Variants in TULP4 observed in about 807,000 individuals in gnomAD.
TULP4 encodes TUB like protein 4.
In TULP4, 16 loss-of-function variants were observed where a neutral mutation model predicts 129.0. The ratio of observed to expected loss-of-function variants is 0.12; its 90% CI spans 0.08 to 0.19. TULP4 has a LOEUF of 0.19. TULP4 is among the 10% of genes least tolerant of loss of function. The probability of loss-of-function intolerance (pLI) is 1.00; values close to 1 mark genes in which losing one functional copy is unlikely to be tolerated. For missense variants in TULP4, 1,842 were observed against 2,059.1 expected, an observed-to-expected ratio of 0.89 and a Z score of 2.04; for synonymous variants, 998 against 854.0, an observed-to-expected ratio of 1.17 and a Z score of -2.94.
chr6:158,396,795 A>G (rs1777728469), intron 1 of TULP4, among the ~76,000 whole-genome samples: 1 of 152,212 alleles, frequency 6.6e-6, no homozygotes, highest in African/African-American at 2.4e-5. Flanking sequence ...AATAGTCACA[A>G]GGAGGAAAGG....
At chr6:158,473,202 G>A (rs1234870336) in intron 6 of TULP4, among the ~76,000 whole-genome samples, 1 of 152,164 alleles carries the variant, frequency 6.6e-6, no homozygotes, top group Non-Finnish European at 1.5e-5. Flanking sequence ...TACTCTTGGA[G>A]GCGAATCCTA....
intron 3 of TULP4, among the ~76,000 whole-genome samples, chr6:158,434,460 T>C (rs1435236481): frequency 1.3e-5 from 2 of 152,192 alleles, no homozygotes; most frequent in Admixed American, 6.5e-5. Flanking sequence ...GGGTCCTAAG[T>C]TGACGCAGAG....
intron 1 of TULP4, among the ~76,000 whole-genome samples, chr6:158,276,404 A>G (rs922633714): frequency 1.3e-5 from 2 of 150,464 alleles, no homozygotes; most frequent in African/African-American, 4.9e-5. Context: ...TCCTGGGCTC[A>G]AGTCATCCTC....
intron 1 of TULP4, among the ~76,000 whole-genome samples, chr6:158,364,893 G>A (rs753879453): frequency 3.7e-4 from 56 of 152,088 alleles, no homozygotes; most frequent in Non-Finnish European, 6.2e-4. Context: ...CCGCCACCAC[G>A]CCTGGCTAAT....
rs762862451 is a variant in TULP4 at position 158,502,577 on chromosome 6, C to T, written c.2914C>T (p.Arg972Trp). Residue 972 changes from arginine (R) to tryptophan (W), a missense_variant, in exon 13 of 14, where the codon CGG becomes TGG. Arg to Trp is a moderately radical substitution (Grantham distance 101, BLOSUM62 -3). Coordinates refer to ENST00000367097, the MANE Select transcript of TULP4 (RefSeq NM_020245.5). ...AATTGCCAGCCAGCTGGCCCAGGGGCGGGGGGCTGCCCAGAGGTCCGACAA... is the reference window on the plus strand; with the variant it reads ...AATTGCCAGCCAGCTGGCCCAGGGGTGGGGGGCTGCCCAGAGGTCCGACAA... ...PEIASQLAQG[R>W]GAAQRSDNSL... 2.7e-5 allele frequency: 43 copies of T among 1,603,760 alleles called. No individual in the cohort carries two copies. Among genetic ancestry groups the T allele is most frequent in the East Asian group, 1.3e-4 (6 of 44,876 alleles).
intron 2 of TULP4, among the ~76,000 whole-genome samples, chr6:158,427,278 A>G (rs1778517203): frequency 6.6e-6 from 1 of 152,282 alleles, no homozygotes; most frequent in East Asian, 1.9e-4. Context: ...ATGAACAACC[A>G]GTGACAGAAA....
chr6:158,474,027 C>T (rs879378350), intron 6 of TULP4, among the ~76,000 whole-genome samples: 1 of 151,608 alleles, frequency 6.6e-6, no homozygotes, highest in Admixed American at 6.6e-5. Context: ...TGCTATGTTG[C>T]CCAAGCTGGT....
At position 158,349,566 on chromosome 6, in the gene TULP4, G is replaced by A. The variant is rs568005913; in HGVS notation, c.252+35298G>A. Among the ~76,000 whole-genome samples the A allele has an allele frequency of 3.1e-3, 450 of 143,266 alleles. 6 individuals are homozygous for A. The highest frequency in any genetic ancestry group is 9.1e-3 in the African/African-American group (353 of 38,842). 94.0% of individuals were successfully genotyped at this position (143,266 alleles called of 152,430 possible). A position where few individuals can be genotyped will look rare whatever the true frequency, so the allele number is the denominator to read the frequency against. On this transcript the variant is annotated intron_variant, in intron 1 of 13. Coordinates refer to ENST00000367097, the MANE Select transcript of TULP4 (RefSeq NM_020245.5). ...CTCACATCCCAGACGATGGGTGGCC[G>A]GGCAGAGGCGCTCCTCACCTCCCAG...
chr6:158,497,262 T>C (rs1780354689), intron 11 of TULP4, among the ~76,000 whole-genome samples: 1 of 152,232 alleles, frequency 6.6e-6, no homozygotes, highest in South Asian at 2.1e-4. Context: ...TATTGAATAC[T>C]AGAAGGTATG....
intron 1 of TULP4, among the ~76,000 whole-genome samples, chr6:158,298,648 C>T (rs530931110): frequency 6.6e-6 from 1 of 152,264 alleles, no homozygotes; most frequent in East Asian, 1.9e-4. Context: ...GTATAAATGA[C>T]AATTAATGCA....
intron 3 of TULP4, among the ~76,000 whole-genome samples, chr6:158,433,338 A>G (rs1199780033): frequency 2.0e-5 from 3 of 152,228 alleles, no homozygotes; most frequent in Admixed American, 6.5e-5. Context: ...TAAAGGTAAC[A>G]TATTCTTTAC....
chr6:158,301,035 T>A (rs1445138170), intron 1 of TULP4, among the ~76,000 whole-genome samples: 1 of 152,214 alleles, frequency 6.6e-6, no homozygotes, highest in Non-Finnish European at 1.5e-5. Flanking sequence ...ATGTGTAATA[T>A]AGAAAGGGTG....
At chr6:158,284,620 G>A (rs908623950) in intron 1 of TULP4, among the ~76,000 whole-genome samples, 2 of 152,152 alleles carry the variant, frequency 1.3e-5, no homozygotes, top group Non-Finnish European at 2.9e-5. Context: ...TGTTCTCAGT[G>A]CTGTGGTTAT....
chr6:158,274,135 G>T (rs1778598148), intron 1 of TULP4, among the ~76,000 whole-genome samples: 2 of 152,140 alleles, frequency 1.3e-5, no homozygotes, highest in African/African-American at 4.8e-5. Flanking sequence ...GCGGGCACCT[G>T]CAGTCCCGGC....
chr6:158,299,385 T>C (rs975917924), intron 1 of TULP4, among the ~76,000 whole-genome samples: 1 of 152,244 alleles, frequency 6.6e-6, no homozygotes, highest in Non-Finnish European at 1.5e-5. Context: ...TCTTCCCAAA[T>C]TAAAGTTTTA....
intron 2 of TULP4, among the ~76,000 whole-genome samples, chr6:158,426,479 C>A (rs1410023533): frequency 1.6e-5 from 2 of 127,500 alleles, no homozygotes; most frequent in East Asian, 4.2e-4. Context: ...AATAGGGAGT[C>A]CTTTCCCCGT....
intron 1 of TULP4, among the ~76,000 whole-genome samples, chr6:158,409,043 G>T (rs966956314): frequency 8.5e-5 from 13 of 152,274 alleles, no homozygotes; most frequent in Admixed American, 8.5e-4. Flanking sequence ...ATGGCTTCTT[G>T]TGTAAATCTA....
chr6:158,268,570 T>G (rs996693227), intron 1 of TULP4, among the ~76,000 whole-genome samples: 11 of 152,202 alleles, frequency 7.2e-5, no homozygotes, highest in Admixed American at 3.9e-4. Flanking sequence ...TGGTGAGGGC[T>G]TGCTTAATCA....
intron 1 of TULP4, among the ~76,000 whole-genome samples, chr6:158,256,334 G>T (rs1450141603): frequency 6.6e-6 from 1 of 152,150 alleles, no homozygotes; most frequent in Non-Finnish European, 1.5e-5. Context: ...TTCTGTGTGT[G>T]TGTGTATACG....
Sources: allele counts gnomAD v4.1 joint callset (sites outside exome capture counted in the v4.1 genomes callset), GRCh38; gene constraint gnomAD v4.1.1; transcripts MANE v1.5; gene names NCBI Gene and HGNC (gene_info 2026-07-23, HGNC 2026-07-21).